Variants in VPS37C observed in about 807,000 individuals in gnomAD.
VPS37C encodes the protein VPS37C subunit of ESCRT-I.
In VPS37C, 9 loss-of-function variants were observed where a neutral mutation model predicts 16.1. The observed-to-expected ratio is 0.56, with a 90% CI of 0.34 to 0.97. VPS37C has a LOEUF of 0.97. Among genes scored for constraint, VPS37C ranks in the 50% least tolerant of loss-of-function variants. The pLI is 0.02. For missense variants in VPS37C, 479 were observed against 472.7 expected, an observed-to-expected ratio of 1.01 and a Z score of -0.12; for synonymous variants, 207 against 206.4, an observed-to-expected ratio of 1.00 and a Z score of -0.02.
intron 1 of VPS37C, among the ~76,000 whole-genome samples, chr11:61,155,340 T>TA (rs1388033510): frequency 6.6e-6 from 1 of 150,442 alleles, no homozygotes; most frequent in Non-Finnish European, 1.5e-5. Context: ...GAATAATCAT[T>TA]AAAAAACAAC....
intron 1 of VPS37C, among the ~76,000 whole-genome samples, chr11:61,151,340 A>G (rs1411952677): frequency 6.6e-6 from 1 of 152,208 alleles, no homozygotes; most frequent in Non-Finnish European, 1.5e-5. Flanking sequence ...CCCTCAGACT[A>G]AAGTCCAAAC....
chr11:61,142,064 G>C (rs1861481238), intron 1 of VPS37C, among the ~76,000 whole-genome samples: 1 of 152,214 alleles, frequency 6.6e-6, no homozygotes, highest in South Asian at 2.1e-4. Flanking sequence ...GGTGCCACCA[G>C]ATGTTTGACA....
intron 2 of VPS37C, among the ~76,000 whole-genome samples, chr11:61,135,298 TG>T (rs1861349501): frequency 6.6e-6 from 1 of 152,222 alleles, no homozygotes; most frequent in Non-Finnish European, 1.5e-5. Context: ...TCCTGCACTC[TG>T]GGGCAGGCCC....
chr11:61,151,435 A>G (rs1161365068), intron 1 of VPS37C, among the ~76,000 whole-genome samples: 1 of 152,228 alleles, frequency 6.6e-6, no homozygotes, highest in Non-Finnish European at 1.5e-5. Context: ...CAGGGATTAA[A>G]GGCTCTGAAT....
intron 1 of VPS37C, chr11:61,144,943 A>G (rs1246165256): frequency 1.3e-5 from 2 of 152,050 alleles, no homozygotes; most frequent in Non-Finnish European, 2.9e-5. Context: ...TCAGGACCTT[A>G]CTCCCAACTT....
intron 1 of VPS37C, among the ~76,000 whole-genome samples, chr11:61,159,901 C>CAAAAA (rs35953020): frequency 4.0e-5 from 2 of 49,544 alleles, no homozygotes; most frequent in Admixed American, 2.9e-4. Flanking sequence ...GACTCCGTCT[C>CAAAAA]AAAAAAAAAA....
intron 1 of VPS37C, among the ~76,000 whole-genome samples, chr11:61,160,195 C>T (rs1209937575): frequency 6.6e-6 from 1 of 152,132 alleles, no homozygotes; most frequent in Admixed American, 6.6e-5. Context: ...GGCACGGAAC[C>T]ACATTTCCAA....
intron 1 of VPS37C, among the ~76,000 whole-genome samples, chr11:61,148,666 G>GT (rs2134648193): frequency 6.6e-6 from 1 of 151,916 alleles, no homozygotes; most frequent in African/African-American, 2.4e-5. Flanking sequence ...AAGTGGAAAA[G>GT]TTACAGTGTA....
In VPS37C at chr11:61,138,893, G is replaced by A. The variant is rs776966027; in HGVS notation, c.-6-58C>T. 101 of 1,501,108 alleles carry A rather than the reference G, an allele frequency of 6.7e-5. No individual in the cohort carries two copies. The African/African-American group carries it at 8.8e-4, about 13-fold the overall frequency. 93.0% of individuals were successfully genotyped at this position (1,501,108 alleles called of 1,614,324 possible). ...GGCAGCCCAAGACGAAGGGACCCCCGAGCCTGTACATATGATTTATCAAAA... is the reference window on the plus strand; with the variant it reads ...GGCAGCCCAAGACGAAGGGACCCCCAAGCCTGTACATATGATTTATCAAAA... On this transcript the variant is annotated intron_variant, in intron 1 of 4. Transcript: ENST00000301765.
chr11:61,154,450 A>G (rs1382605126), intron 1 of VPS37C, among the ~76,000 whole-genome samples: 1 of 152,214 alleles, frequency 6.6e-6, no homozygotes, highest in East Asian at 1.9e-4. Flanking sequence ...CTGAAAGGTA[A>G]TATCAGCAGA....
chr11:61,134,856 G>A (rs1861337071), intron 2 of VPS37C, among the ~76,000 whole-genome samples: 1 of 152,228 alleles, frequency 6.6e-6, no homozygotes, highest in Non-Finnish European at 1.5e-5. Context: ...CCCAAGCCAA[G>A]CGGCACTTTA....
chr11:61,157,904 G>A (rs1443270542), intron 1 of VPS37C, among the ~76,000 whole-genome samples: 1 of 152,164 alleles, frequency 6.6e-6, no homozygotes, highest in African/African-American at 2.4e-5. Flanking sequence ...TAGTTCACAT[G>A]AGAGCTGGCT....
chr11:61,144,487 T>C (rs1441920517), intron 1 of VPS37C: 1 of 88,184 alleles, frequency 1.1e-5, no homozygotes, highest in Non-Finnish European at 2.0e-5. Context: ...GTGTTTTTTC[T>C]ATAGGGTGAG....
intron 1 of VPS37C, among the ~76,000 whole-genome samples, chr11:61,151,534 A>G (rs1853298419): frequency 6.6e-6 from 1 of 152,192 alleles, no homozygotes; most frequent in Non-Finnish European, 1.5e-5. Flanking sequence ...AGTGTCTTCT[A>G]TAAGATGGAG....
intron 4 of VPS37C, chr11:61,132,759 C>T (rs1861295157): frequency 8.9e-6 from 6 of 673,682 alleles, no homozygotes; most frequent in East Asian, 2.8e-5. Context: ...CTGTCTCTGT[C>T]GTGGTCACCT....
At chr11:61,132,612 G>A in intron 4 of VPS37C, 73 bp from the exon 5 acceptor site, 1 of 1,514,602 alleles carries the variant, frequency 6.6e-7, no homozygotes. Context: ...CAGGGTCTGA[G>A]TTCAGCTGCA....
chr11:61,133,361 G>A lies in VPS37C; in HGVS notation c.266-24C>T, dbSNP rs1212220731. On this transcript the variant is annotated intron_variant, in intron 3 of 4. Transcript: ENST00000301765. ...CTCTGGAAGGGAGGGCAGAACGACT[G>A]ACATTTGAAAAGTGCTTCCTGATTC... 3 of 1,611,560 alleles carry A rather than the reference G, an allele frequency of 1.9e-6. 1 individual carries two copies. In the South Asian group the frequency reaches 3.3e-5, roughly 18 times the overall value.
chr11:61,143,572 T>A (rs1861510927), intron 1 of VPS37C: 1 of 152,064 alleles, frequency 6.6e-6, no homozygotes, highest in African/African-American at 2.4e-5. Flanking sequence ...GGTTTCACCA[T>A]GTTGGCCAAG....
At chr11:61,157,634 A>C (rs752540388) in intron 1 of VPS37C, among the ~76,000 whole-genome samples, 8 of 152,238 alleles carry the variant, frequency 5.3e-5, no homozygotes, top group African/African-American at 7.2e-5. Flanking sequence ...TCTGGAAATC[A>C]ATTCCTAACA....
Sources: allele counts gnomAD v4.1 joint callset (sites outside exome capture counted in the v4.1 genomes callset), GRCh38; gene constraint gnomAD v4.1.1; transcripts MANE v1.5; gene names NCBI Gene and HGNC (gene_info 2026-07-23, HGNC 2026-07-21).